Variants in CACNG2 observed in about 807,000 individuals in gnomAD.
CACNG2 encodes the protein voltage-dependent calcium channel gamma-2 subunit.
A neutral mutation model predicts 25.9 loss-of-function variants in CACNG2; 3 were observed. That is an observed-to-expected ratio of 0.12 (90% CI 0.05 to 0.30). The LOEUF (loss-of-function observed/expected upper bound fraction) is 0.30, where lower values mean the gene tolerates loss of function less well. Among genes scored for constraint, CACNG2 ranks in the 10% least tolerant of loss-of-function variants. The pLI, the probability that CACNG2 is intolerant of heterozygous loss-of-function variation, is 1.00. For missense variants in CACNG2, 341 were observed against 432.5 expected, an observed-to-expected ratio of 0.79 and a Z score of 1.88; for synonymous variants, 167 against 173.3, an observed-to-expected ratio of 0.96 and a Z score of 0.29.
chr22:36,564,211 GTTTTTTGTTTTTTTGTT>G lies in CACNG2; in HGVS notation c.*123_*139del, dbSNP rs1279299712. On this transcript the variant is annotated 3_prime_UTR_variant, in exon 4 of 4. Transcript: ENST00000300105. This position sits in a 1 kb window ranked among gnomAD's most constrained non-coding sequence, Gnocchi z 6.7. ...TTTTTTTGTGTGTGTGTGTTTTTTT[GTTTTTTGTTTTTTTGTT>G]TTTTTTGTTTTTTGTTTTTGCTTTT... 27 of 684,030 alleles carry G rather than the reference GTTTTTTGTTTTTTTGTT, an allele frequency of 3.9e-5. No individual in the cohort carries two copies. In the East Asian group the frequency reaches 5.3e-4, roughly 13 times the overall value. The allele number at this position is 684,030 out of a possible 1,614,324, so 42.4% of individuals were successfully genotyped here.
intron 1 of CACNG2, among the ~76,000 whole-genome samples, chr22:36,670,362 A>G (rs1936931351): frequency 6.6e-6 from 1 of 152,232 alleles, no homozygotes; most frequent in South Asian, 2.1e-4. Context: ...AATATAAAAT[A>G]TAAATATAGA....
intron 1 of CACNG2, among the ~76,000 whole-genome samples, chr22:36,636,550 G>A (rs1936360842): frequency 6.6e-6 from 1 of 152,212 alleles, no homozygotes; most frequent in East Asian, 1.9e-4. Flanking sequence ...TTAAACAACT[G>A]AGCCATTGAA....
chr22:36,571,876 C>CAAAA (rs1412513775), intron 2 of CACNG2, among the ~76,000 whole-genome samples: 1 of 87,990 alleles, frequency 1.1e-5, no homozygotes, highest in Non-Finnish European at 2.2e-5. Context: ...GATTCTGTCT[C>CAAAA]AAAAACAAAA....
At position 36,688,281 on chromosome 22, in the gene CACNG2, C is replaced by T. The variant is rs546257885; in HGVS notation, c.211+14085G>A. 2.6e-4 allele frequency among the ~76,000 whole-genome samples: 40 copies of T among 152,114 alleles called. 1 individual carries two copies. Among genetic ancestry groups the T allele is most frequent in the South Asian group, 8.3e-4 (4 of 4,816 alleles). The stretch of plus-strand genomic sequence containing the variant: ...GAAATGGGCTGGGTGCAGTGGCTCA[C>T]GCCCTGTAATCCCAGCACTTTGGGA... On this transcript the variant is annotated intron_variant, in intron 1 of 3. Coordinates refer to ENST00000300105, the MANE Select transcript of CACNG2 (RefSeq NM_006078.5).
At chr22:36,573,885 G>A (rs140040) in intron 2 of CACNG2, among the ~76,000 whole-genome samples, 60,568 of 152,034 alleles carry the variant, frequency 0.4, 12,569 homozygotes, top group Middle Eastern at 0.57. Context: ...AGGAGCAGCT[G>A]ATTAGGCACA....
At chr22:36,637,162 C>T (rs879563407) in intron 1 of CACNG2, among the ~76,000 whole-genome samples, 3 of 152,238 alleles carry the variant, frequency 2.0e-5, no homozygotes, top group Non-Finnish European at 4.4e-5. Flanking sequence ...GGCCTTAAGA[C>T]TGCATTTACT....
At chr22:36,643,484 C>T (rs1386417310) in intron 1 of CACNG2, among the ~76,000 whole-genome samples, 2 of 141,568 alleles carry the variant, frequency 1.4e-5, no homozygotes, top group Admixed American at 6.9e-5. Context: ...GTCTATCTAT[C>T]TATCTATCTA....
At chr22:36,594,682 C>A (rs1443891377) in intron 1 of CACNG2, among the ~76,000 whole-genome samples, 1 of 151,474 alleles carries the variant, frequency 6.6e-6, no homozygotes, top group Non-Finnish European at 1.5e-5. Flanking sequence ...TGTATGCCCG[C>A]GTGTGTGTCT....
chr22:36,643,400 T>C (rs376966819), intron 1 of CACNG2, among the ~76,000 whole-genome samples: 1 of 152,072 alleles, frequency 6.6e-6, no homozygotes, highest in Non-Finnish European at 1.5e-5. Flanking sequence ...CTTTGGGATA[T>C]AGAAATGAAC....
intron 1 of CACNG2, among the ~76,000 whole-genome samples, chr22:36,682,429 T>A (rs1416901127): frequency 6.6e-6 from 1 of 152,126 alleles, no homozygotes; most frequent in Non-Finnish European, 1.5e-5. Flanking sequence ...TTTCTTCCCT[T>A]CCTTTCCTCT....
At chr22:36,700,662 T>C (rs1348114320) in intron 1 of CACNG2, among the ~76,000 whole-genome samples, 1 of 152,268 alleles carries the variant, frequency 6.6e-6, no homozygotes, top group East Asian at 1.9e-4. Flanking sequence ...AATGACTAGC[T>C]GTATGAAAGG....
chr22:36,699,237 T>TCACACACACACA lies in CACNG2; in HGVS notation c.211+3117_211+3128dup, dbSNP rs3076293. Among the ~76,000 whole-genome samples, 394 of 141,896 alleles carry TCACACACACACA rather than the reference T, an allele frequency of 2.8e-3. 2 individuals are homozygous for TCACACACACACA. Among genetic ancestry groups the TCACACACACACA allele is most frequent in the African/African-American group, 7.5e-3 (275 of 36,864 alleles). 93.1% of individuals were successfully genotyped at this position (141,896 alleles called of 152,430 possible). On this transcript the variant is annotated intron_variant, in intron 1 of 3. Coordinates refer to ENST00000300105, the MANE Select transcript of CACNG2 (RefSeq NM_006078.5). ...CACCAGCCTGCTGGGGATTTCAAGT[T>TCACACACACACA]CACACACACACACACACACACACAC... is the stretch of plus-strand genomic sequence containing the variant.
chr22:36,665,781 C>T (rs181229205), intron 1 of CACNG2, among the ~76,000 whole-genome samples: 5 of 152,160 alleles, frequency 3.3e-5, no homozygotes, highest in Admixed American at 3.3e-4. Flanking sequence ...AAATTAGAAC[C>T]CTTGTGCACT....
intron 1 of CACNG2, among the ~76,000 whole-genome samples, chr22:36,612,283 C>T (rs5756261): frequency 0.8 from 121,189 of 152,116 alleles, 48,453 homozygotes; most frequent in East Asian, 0.97. Context: ...GAAGGATAGG[C>T]CAGCTAATAT....
chr22:36,588,081 T>C (rs1331081458), intron 1 of CACNG2, among the ~76,000 whole-genome samples: 1 of 152,186 alleles, frequency 6.6e-6, no homozygotes, highest in Non-Finnish European at 1.5e-5. Context: ...CCAACTGCTC[T>C]GAAATAAATA....
chr22:36,681,635 C>T (rs1302915055), intron 1 of CACNG2, among the ~76,000 whole-genome samples: 1 of 152,168 alleles, frequency 6.6e-6, no homozygotes, highest in Non-Finnish European at 1.5e-5. Flanking sequence ...TGTCAAAACT[C>T]ATCACACTGG....
At chr22:36,628,773 A>T (rs1936224225) in intron 1 of CACNG2, among the ~76,000 whole-genome samples, 1 of 151,870 alleles carries the variant, frequency 6.6e-6, no homozygotes, top group South Asian at 2.1e-4. Flanking sequence ...AGCCCCTCCA[A>T]CCCCCACTGC....
At chr22:36,637,907 A>G (rs1312628528) in intron 1 of CACNG2, among the ~76,000 whole-genome samples, 1 of 152,124 alleles carries the variant, frequency 6.6e-6, no homozygotes, top group Non-Finnish European at 1.5e-5. Flanking sequence ...CTGTAGTCCC[A>G]GCTACTCAGG....
At chr22:36,617,633 G>A (rs946480883) in intron 1 of CACNG2, among the ~76,000 whole-genome samples, 1 of 147,098 alleles carries the variant, frequency 6.8e-6, no homozygotes, top group Admixed American at 6.9e-5. Flanking sequence ...TGGGCATCTA[G>A]TAGGCAGTCA....
Sources: gnomAD v4.1 joint callset for allele counts (sites outside exome capture counted in the v4.1 genomes callset) on GRCh38, gnomAD v4.1.1 for gene constraint, Gnocchi (gnomAD v3.1) non-coding constraint, MANE v1.5 for transcripts, NCBI Gene and HGNC (gene_info 2026-07-23, HGNC 2026-07-21) for gene names.